Variants in PCDH15 observed in about 807,000 individuals in gnomAD.
The protein encoded by PCDH15 is protocadherin-15.
In PCDH15, 129 loss-of-function variants were observed where a neutral mutation model predicts 178.5. The observed-to-expected ratio is 0.72, with a 90% CI of 0.63 to 0.84. The LOEUF (loss-of-function observed/expected upper bound fraction) is 0.84, where lower values mean the gene tolerates loss of function less well. Among genes scored for constraint, PCDH15 ranks in the 40% least tolerant of loss-of-function variants. PCDH15 has a pLI of 0.00. For missense variants in PCDH15, 2,230 were observed against 2,099.9 expected (o/e 1.06, Z -1.21); for synonymous variants, 800 against 732.0 (o/e 1.09, Z -1.50).
At chr10:54,532,887 G>A (rs747439779) in intron 2 of PCDH15, among the ~76,000 whole-genome samples, 4 of 152,048 alleles carry the variant, frequency 2.6e-5, no homozygotes, top group Non-Finnish European at 5.9e-5. Context: ...AGATGTACAT[G>A]CTAGGTTCAT....
At chr10:55,587,296 A>G (rs995457033) in intron 2 of PCDH15, among the ~76,000 whole-genome samples, 2 of 152,156 alleles carry the variant, frequency 1.3e-5, no homozygotes, top group Non-Finnish European at 2.9e-5. Context: ...ATTCTTCTCA[A>G]TTATGTTTAC....
rs752658191 is a variant in PCDH15, at chr10:53,822,448, GAGGAGGAGAAGGAGGAGAAAT to G, written c.4368-2239_4368-2219del. 4 of 1,596,960 alleles carry G rather than the reference GAGGAGGAGAAGGAGGAGAAAT, an allele frequency of 2.5e-6. No individual in the cohort carries two copies. In the African/African-American group the frequency reaches 4.1e-5, roughly 16 times the overall value. ...GGAGGAGCAAGAGGAGCAGGAGCAG[GAGGAGGAGAAGGAGGAGAAAT>G]AGGAGGAGGAGGGGGAAGGGGACAG... On this transcript the variant is annotated intron_variant, in intron 32 of 37. Coordinates refer to ENST00000644397, the MANE Select transcript of PCDH15 (RefSeq NM_001384140.1).
At chr10:54,815,671 C>T (rs1952935437) in intron 3 of PCDH15, among the ~76,000 whole-genome samples, 1 of 152,040 alleles carries the variant, frequency 6.6e-6, no homozygotes, top group Non-Finnish European at 1.5e-5. Flanking sequence ...CAAAGTGGCA[C>T]TAGTGATGCC....
intron 2 of PCDH15, among the ~76,000 whole-genome samples, chr10:55,156,838 A>G (rs1379683550): frequency 3.3e-5 from 5 of 152,112 alleles, no homozygotes; most frequent in Non-Finnish European, 7.4e-5. Context: ...GAGGTTGGTG[A>G]CTGTTGAAAG....
intron 26 of PCDH15, among the ~76,000 whole-genome samples, chr10:53,901,294 G>C (rs1166467850): frequency 6.6e-6 from 1 of 152,000 alleles, no homozygotes. Context: ...CCCAAACCTT[G>C]ATTACTGCCA....
intron 17 of PCDH15, among the ~76,000 whole-genome samples, chr10:54,067,752 A>T (rs1354976262): frequency 6.6e-6 from 1 of 152,180 alleles, no homozygotes; most frequent in African/African-American, 2.4e-5. Flanking sequence ...GGTATTAAAT[A>T]TTTAGTAACT....
chr10:53,849,860 C>CAAAA (rs58458871), intron 28 of PCDH15, among the ~76,000 whole-genome samples: 1,762 of 50,628 alleles, frequency 0.035, 52 homozygotes, highest in East Asian at 0.12. Flanking sequence ...GGCTCCGTCT[C>CAAAA]AAAAAAAAAA....
At chr10:54,423,245 T>TA (rs1311755593) in intron 3 of PCDH15, among the ~76,000 whole-genome samples, 1 of 152,104 alleles carries the variant, frequency 6.6e-6, no homozygotes, top group Non-Finnish European at 1.5e-5. Flanking sequence ...GATATTGCAA[T>TA]AATTTCCCTG....
chr10:55,223,286 G>T (rs117948001), intron 1 of PCDH15, among the ~76,000 whole-genome samples: 9,242 of 152,120 alleles, frequency 0.061, 352 homozygotes, highest in Non-Finnish European at 0.09. Context: ...TGGTCATAGA[G>T]CCTCCATAGT....
At chr10:54,785,226 AT>A (rs1290187962) in intron 1 of PCDH15, among the ~76,000 whole-genome samples, 6 of 151,994 alleles carry the variant, frequency 3.9e-5, no homozygotes, top group Non-Finnish European at 1.5e-5. Context: ...GAAAAAAAAA[AT>A]AACTTTATTT....
chr10:54,746,952 C>A (rs1280361605), intron 1 of PCDH15, among the ~76,000 whole-genome samples: 1 of 152,138 alleles, frequency 6.6e-6, no homozygotes, highest in African/African-American at 2.4e-5. Flanking sequence ...GTATTATAGG[C>A]ATTTGTGACT....
chr10:54,831,325 A>C (rs1430370014), intron 3 of PCDH15, among the ~76,000 whole-genome samples: 2 of 152,160 alleles, frequency 1.3e-5, no homozygotes, highest in Admixed American at 1.3e-4. Flanking sequence ...CTTATTGTCA[A>C]CATTTGAAAT....
At chr10:55,256,450 G>A (rs189603755) in intron 1 of PCDH15, among the ~76,000 whole-genome samples, 11 of 152,316 alleles carry the variant, frequency 7.2e-5, no homozygotes, top group African/African-American at 2.4e-4. Context: ...GGAAGTACAA[G>A]GGGTCAGGGA....
intron 2 of PCDH15, among the ~76,000 whole-genome samples, chr10:55,332,744 A>G (rs1034482147): frequency 6.6e-6 from 1 of 152,160 alleles, no homozygotes; most frequent in African/African-American, 2.4e-5. Flanking sequence ...TGATGGTTTT[A>G]TAAGGAGTTT....
chr10:54,532,518 G>A (rs1054961301), intron 2 of PCDH15, among the ~76,000 whole-genome samples: 2 of 152,032 alleles, frequency 1.3e-5, no homozygotes, highest in Non-Finnish European at 2.9e-5. Flanking sequence ...CATTGACCTT[G>A]TTTCTATTCC....
intron 8 of PCDH15, among the ~76,000 whole-genome samples, chr10:54,303,883 C>G (rs2060299492): frequency 6.6e-6 from 1 of 152,114 alleles, no homozygotes; most frequent in African/African-American, 2.4e-5. Context: ...AGAGATGCTT[C>G]TTGACAGAGA....
chr10:54,319,772 A>G (rs1292199447), intron 7 of PCDH15, among the ~76,000 whole-genome samples: 2 of 147,974 alleles, frequency 1.4e-5, no homozygotes, highest in East Asian at 4.0e-4. Flanking sequence ...AGACATTAAT[A>G]TTTGCCTTCC....
chr10:54,468,950 C>T (rs570395840), intron 3 of PCDH15, among the ~76,000 whole-genome samples: 3 of 152,244 alleles, frequency 2.0e-5, no homozygotes, highest in Non-Finnish European at 2.9e-5. Context: ...TTTGATATAA[C>T]TGTAGCTACT....
chr10:55,116,946 T>A (rs143358608), intron 2 of PCDH15, among the ~76,000 whole-genome samples: 1 of 152,336 alleles, frequency 6.6e-6, no homozygotes, highest in Non-Finnish European at 1.5e-5. Context: ...CAGGCCTTGC[T>A]AAATGCCACC....
Sources: gnomAD v4.1 joint callset for allele counts (sites outside exome capture counted in the v4.1 genomes callset) on GRCh38, gnomAD v4.1.1 for gene constraint, MANE v1.5 for transcripts, NCBI Gene and HGNC (gene_info 2026-07-23, HGNC 2026-07-21) for gene names.